Variants in HFM1 observed in about 807,000 individuals in gnomAD.
The protein encoded by HFM1 is probable ATP-dependent DNA helicase HFM1.
In HFM1, 169 loss-of-function variants were observed where a neutral mutation model predicts 192.1. The ratio of observed to expected loss-of-function variants is 0.88; its 90% CI spans 0.78 to 1.00. HFM1 has a LOEUF of 1.00. Ranked by LOEUF, HFM1 falls within the 50% of genes least tolerant of loss-of-function variation. The pLI, the probability that HFM1 is intolerant of heterozygous loss-of-function variation, is 0.00. For synonymous variants in HFM1, 525 were observed against 537.8 expected, an observed-to-expected ratio of 0.98 and a Z score of 0.33; for missense variants, 1,661 against 1,668.0, an observed-to-expected ratio of 1.00 and a Z score of 0.07.
In HFM1 at chr1:91,326,039, A is replaced by G. The variant is rs546473740; in HGVS notation, c.2336-1273T>C. The stretch of plus-strand genomic sequence containing the variant: ...AGAAACAGTAAGTGAGCTTGAAGAC[A>G]GGATATTTGAAAATACATAGTCAGA... On this transcript the variant is annotated intron_variant, in intron 20 of 38. Coordinates refer to ENST00000370425, the MANE Select transcript of HFM1 (RefSeq NM_001017975.6). 3.7e-4 allele frequency among the ~76,000 whole-genome samples: 57 copies of G among 152,262 alleles called. No individual in the cohort carries two copies. In the South Asian group the frequency reaches 0.011, roughly 28 times the overall value.
intron 4 of HFM1, among the ~76,000 whole-genome samples, chr1:91,392,265 A>G (rs1186772068): frequency 6.6e-6 from 1 of 152,246 alleles, no homozygotes; most frequent in Non-Finnish European, 1.5e-5. Flanking sequence ...CCAAAGGATT[A>G]TAAATCATGC....
chr1:91,296,404 A>G (rs400641), intron 30 of HFM1, among the ~76,000 whole-genome samples: 152,126 of 152,320 alleles, frequency 1, 75,967 homozygotes, highest in East Asian at 1. Flanking sequence ...CCTACATCAC[A>G]TTCTTATTAT....
intron 4 of HFM1, among the ~76,000 whole-genome samples, chr1:91,387,490 C>T (rs1294281756): frequency 1.3e-5 from 2 of 151,148 alleles, no homozygotes; most frequent in African/African-American, 2.4e-5. Context: ...TTCTGCTCCA[C>T]GGGAGGTTTC....
At chr1:91,341,637 C>G (rs1655351611) in intron 20 of HFM1, among the ~76,000 whole-genome samples, 1 of 151,948 alleles carries the variant, frequency 6.6e-6, no homozygotes, top group Non-Finnish European at 1.5e-5. Context: ...AAATGATCAA[C>G]AAAACCAGAT....
chr1:91,406,706 A>G (rs1296989878), upstream of HFM1, among the ~76,000 whole-genome samples: 4 of 152,234 alleles, frequency 2.6e-5, no homozygotes, highest in African/African-American at 4.8e-5. Context: ...TTTGAAATAT[A>G]GTCTTCCCGG....
chr1:91,355,691 C>T (rs376066804), intron 13 of HFM1, among the ~76,000 whole-genome samples: 1 of 151,884 alleles, frequency 6.6e-6, no homozygotes, highest in Non-Finnish European at 1.5e-5. Context: ...TATAAGCACC[C>T]AACACTGAAG....
chr1:91,283,280 A>T (rs1310530928), intron 30 of HFM1, among the ~76,000 whole-genome samples: 1 of 152,150 alleles, frequency 6.6e-6, no homozygotes, highest in Non-Finnish European at 1.5e-5. Flanking sequence ...GTCTGGCTCT[A>T]TCACCTAGGC....
chr1:91,320,613 T>C (rs1231158406), intron 23 of HFM1, among the ~76,000 whole-genome samples: 3 of 152,218 alleles, frequency 2.0e-5, no homozygotes, highest in African/African-American at 7.2e-5. Context: ...AGGACACTTT[T>C]CAACATCATA....
intron 2 of HFM1, among the ~76,000 whole-genome samples, chr1:91,398,833 C>T (rs1663975812): frequency 6.6e-6 from 1 of 152,098 alleles, no homozygotes; most frequent in Non-Finnish European, 1.5e-5. Flanking sequence ...GCTGGGATTA[C>T]AGGCATATAC....
At chr1:91,387,608 C>A (rs1272439820) in intron 4 of HFM1, among the ~76,000 whole-genome samples, 1 of 151,868 alleles carries the variant, frequency 6.6e-6, no homozygotes, top group African/African-American at 2.4e-5. Context: ...GAGTTCATGT[C>A]CTTTGTAGGG....
chr1:91,329,226 T>C (rs150127682), intron 20 of HFM1: 31,872 of 1,609,574 alleles, frequency 0.02, 368 homozygotes, highest in South Asian at 0.035. Context: ...CCAGCTCTTC[T>C]TGGAACCTGA....
chr1:91,265,904 T>G, intron 36 of HFM1, 113 bp downstream of exon 36: 8 of 1,384,624 alleles, frequency 5.8e-6, no homozygotes, highest in Middle Eastern at 5.1e-4. Context: ...AGGGTTTAGG[T>G]TGGCTAATAC....
chr1:91,298,281 G>C (rs1334394445), intron 30 of HFM1, among the ~76,000 whole-genome samples: 1 of 152,160 alleles, frequency 6.6e-6, no homozygotes, highest in Non-Finnish European at 1.5e-5. Context: ...AGAAATATGG[G>C]ACTATGTGAA....
chr1:91,281,989 A>G (rs1667501306), intron 30 of HFM1, among the ~76,000 whole-genome samples: 1 of 152,208 alleles, frequency 6.6e-6, no homozygotes, highest in Admixed American at 6.5e-5. Context: ...AAGCATTTAC[A>G]ATTTTGTCTT....
At chr1:91,295,579 C>T (rs1318345395) in intron 30 of HFM1, among the ~76,000 whole-genome samples, 2 of 152,160 alleles carry the variant, frequency 1.3e-5, no homozygotes, top group East Asian at 1.9e-4. Flanking sequence ...CAAATATAGT[C>T]GCATTCTGAG....
chr1:91,271,840 A>T (rs1328153261), intron 34 of HFM1, among the ~76,000 whole-genome samples: 1 of 152,170 alleles, frequency 6.6e-6, no homozygotes, highest in Admixed American at 6.6e-5. Context: ...TGGGCTGGGA[A>T]TCAAAAGATA....
At chr1:91,333,198 A>G (rs1477566977) in intron 20 of HFM1, among the ~76,000 whole-genome samples, 1 of 152,192 alleles carries the variant, frequency 6.6e-6, no homozygotes, top group Middle Eastern at 3.2e-3. Flanking sequence ...TTTGGAAGCA[A>G]CTTAGTGTCC....
At chr1:91,401,168 CT>C (rs1664271167) in intron 1 of HFM1, 59 bp from the exon 2 acceptor site, 1 of 752,332 alleles carries the variant, frequency 1.3e-6, no homozygotes, top group Non-Finnish European at 2.1e-6. Flanking sequence ...AAAAATATTT[CT>C]GTATAATCAC....
intron 13 of HFM1, among the ~76,000 whole-genome samples, chr1:91,365,029 G>A (rs999146727): frequency 3.3e-5 from 5 of 151,984 alleles, no homozygotes; most frequent in Middle Eastern, 3.2e-3. Flanking sequence ...GAGATTCTGC[G>A]ACTTGCCACA....
Sources: allele counts gnomAD v4.1 joint callset (sites outside exome capture counted in the v4.1 genomes callset), GRCh38; gene constraint gnomAD v4.1.1; transcripts MANE v1.5; gene names NCBI Gene and HGNC (gene_info 2026-07-23, HGNC 2026-07-21).